The following KIFC3 variants were observed in gnomAD, a reference collection of about 807,000 sequenced individuals.
KIFC3 encodes kinesin family member C3, also known as kinesin-like protein KIFC3.
KIFC3 carries 60 observed loss-of-function variants against 101.8 expected under a neutral mutation model. The ratio of observed to expected loss-of-function variants is 0.59; its 90% CI spans 0.48 to 0.73. The LOEUF is 0.73. KIFC3 is among the 30% of genes least tolerant of loss of function. The pLI, the probability that KIFC3 is intolerant of heterozygous loss-of-function variation, is 0.00. For missense variants in KIFC3, 966 were observed against 1,137.1 expected (o/e 0.85, Z 2.16); for synonymous variants, 476 against 482.7 (o/e 0.99, Z 0.18).
chr16:57,813,900 A>T, intron 1 of KIFC3: 1 of 979,408 alleles, frequency 1.0e-6, no homozygotes, highest in Non-Finnish European at 1.2e-6. Context: ...AGGTGAAGGG[A>T]TCTACCCTGG....
In KIFC3 at chr16:57,796,618, T is replaced by C. The variant is rs2054342944; in HGVS notation, c.172+1454A>G. ...CTTGCATTTCACACACAGGATTTCA[T>C]CTGACCTTTGTCTTAAATTTTTTAA... On this transcript the variant is annotated intron_variant, in intron 2 of 19. Transcript: ENST00000445690. 3.3e-5 allele frequency among the ~76,000 whole-genome samples: 5 copies of C among 152,344 alleles called. No individual in the cohort carries two copies. The South Asian group carries it at 1.0e-3, about 32-fold the overall frequency.
intron 2 of KIFC3, 80 bp downstream of exon 2, chr16:57,797,992 C>T (rs1020585633): frequency 5.2e-6 from 8 of 1,548,046 alleles, no homozygotes; most frequent in Admixed American, 3.9e-5. Flanking sequence ...GCTTAGGAAC[C>T]GGTGAGAAAC....
chr16:57,826,814 A>T (rs890770235), intron 1 of KIFC3, among the ~76,000 whole-genome samples: 1 of 152,202 alleles, frequency 6.6e-6, no homozygotes, highest in African/African-American at 2.4e-5. Context: ...CAGATTCCTG[A>T]TCATATTCTG....
chr16:57,789,815 C>T (rs1253985077), intron 3 of KIFC3, among the ~76,000 whole-genome samples: 2 of 152,120 alleles, frequency 1.3e-5, no homozygotes, highest in Non-Finnish European at 2.9e-5. Context: ...CGGCTCACTG[C>T]AATCTCTGCC....
At chr16:57,837,506 GAGAA>G (rs10574697) in intron 1 of KIFC3, among the ~76,000 whole-genome samples, 1,712 of 64,334 alleles carry the variant, frequency 0.027, 34 homozygotes, top group African/African-American at 0.07. Flanking sequence ...CGGAAGGAAG[GAGAA>G]AGAAAGAAAG....
At chr16:57,781,914 C>G in intron 3 of KIFC3, 1 of 985,102 alleles carries the variant, frequency 1.0e-6, no homozygotes, top group African/African-American at 1.7e-5. Flanking sequence ...GAACCCTCAC[C>G]CTTAACCATG....
chr16:57,786,536 G>A (rs1394558903), intron 3 of KIFC3, among the ~76,000 whole-genome samples: 13 of 152,082 alleles, frequency 8.5e-5, no homozygotes, highest in African/African-American at 2.9e-4. Flanking sequence ...GGCTAGGGAG[G>A]AGGGATGGGG....
chr16:57,848,203 T>C (rs1451726707), intron 1 of KIFC3, among the ~76,000 whole-genome samples: 1 of 152,248 alleles, frequency 6.6e-6, no homozygotes, highest in Non-Finnish European at 1.5e-5. Flanking sequence ...GCCATACATT[T>C]TGGAGATTCT....
In KIFC3 at chr16:57,760,486, C is replaced by A. The variant is rs550193361; in HGVS notation, c.2233-70G>T. 7.0e-6 allele frequency: 11 copies of A among 1,562,428 alleles called. No individual in the cohort carries two copies. In the Admixed American group the frequency reaches 1.9e-4, roughly 27 times the overall value. On this transcript the variant is annotated intron_variant, in intron 16 of 19. Transcript: ENST00000445690. ...GGCAACAGGGTCACGAGAGGGAGCTCACAGCTGGGGCCGTCAGAAGGCTTC... is the reference window on the plus strand; with the variant it reads ...GGCAACAGGGTCACGAGAGGGAGCTAACAGCTGGGGCCGTCAGAAGGCTTC...
chr16:57,799,204 T>A (rs566631160), intron 1 of KIFC3, among the ~76,000 whole-genome samples: 1 of 152,136 alleles, frequency 6.6e-6, no homozygotes, highest in African/African-American at 2.4e-5. Context: ...CCTGCAGAAG[T>A]CTTTATTGAG....
chr16:57,783,371 T>G (rs2052945164), intron 3 of KIFC3, among the ~76,000 whole-genome samples: 1 of 152,040 alleles, frequency 6.6e-6, no homozygotes, highest in South Asian at 2.1e-4. Flanking sequence ...ATGGGTGCAT[T>G]GCCACCTTAA....
In KIFC3 at chr16:57,816,653, C is replaced by G. The variant is rs1233033166; in HGVS notation, c.109-18371G>C. 5 of 456,708 alleles carry G rather than the reference C, an allele frequency of 1.1e-5. No homozygotes were observed. The Admixed American group carries it at 1.2e-4, about 11-fold the overall frequency. 28.3% of individuals were successfully genotyped at this position (456,708 alleles called of 1,614,324 possible). A position where few individuals can be genotyped will look rare whatever the true frequency, so the allele number is the denominator to read the frequency against. ...AACCAGCCCTGGGCAGCTGCCACAC[C>G]AGGCAGCCTCCACCCCTCCCCACAA... On this transcript the variant is annotated intron_variant, in intron 1 of 2. Coordinates refer to the KIFC3 transcript ENST00000563028.
At chr16:57,780,481 A>T (rs2052582648) in intron 3 of KIFC3, among the ~76,000 whole-genome samples, 1 of 151,652 alleles carries the variant, frequency 6.6e-6, no homozygotes, top group Non-Finnish European at 1.5e-5. Context: ...ACTTCACTCC[A>T]GCCTGGGTGA....
intron 3 of KIFC3, among the ~76,000 whole-genome samples, chr16:57,781,306 C>A (rs1252469369): frequency 6.6e-6 from 1 of 152,116 alleles, no homozygotes; most frequent in Non-Finnish European, 1.5e-5. Context: ...CAGAGTGAGA[C>A]CCTGCCTCAA....
intron 3 of KIFC3, among the ~76,000 whole-genome samples, chr16:57,784,011 C>A (rs901544316): frequency 6.6e-6 from 1 of 152,214 alleles, no homozygotes; most frequent in Non-Finnish European, 1.5e-5. Flanking sequence ...CTGCTCTGTC[C>A]CAGAGCTCAG....
At chr16:57,829,432 T>G (rs2055528906) in intron 1 of KIFC3, among the ~76,000 whole-genome samples, 1 of 152,100 alleles carries the variant, frequency 6.6e-6, no homozygotes, top group South Asian at 2.1e-4. Flanking sequence ...TTTTAAAAGA[T>G]GTAGTAGAGA....
intron 13 of KIFC3, among the ~76,000 whole-genome samples, 185 bp from the exon 14 acceptor site, chr16:57,761,721 A>G (rs1294744343): frequency 1.3e-5 from 2 of 150,666 alleles, no homozygotes; most frequent in Admixed American, 6.6e-5. Context: ...ATCTCACTCC[A>G]CAATACAATG....
chr16:57,760,582 G>T, intron 16 of KIFC3, 144 bp downstream of exon 16: 1 of 1,056,118 alleles, frequency 9.5e-7, no homozygotes, highest in Non-Finnish European at 1.4e-6. Context: ...AAGGTGGAGA[G>T]GAGGGACTGG....
At chr16:57,854,893 A>G (rs1440030552) in intron 1 of KIFC3, among the ~76,000 whole-genome samples, 2 of 152,148 alleles carry the variant, frequency 1.3e-5, no homozygotes, top group Admixed American at 6.5e-5. Context: ...CTTGAAAGTT[A>G]CACAACACAC....
Sources: allele counts gnomAD v4.1 joint callset (sites outside exome capture counted in the v4.1 genomes callset), GRCh38; gene constraint gnomAD v4.1.1; transcripts MANE v1.5; gene names NCBI Gene and HGNC (gene_info 2026-07-23, HGNC 2026-07-21).